Variants in UVRAG observed in about 807,000 individuals in gnomAD.
UVRAG encodes UV radiation resistance associated, also known as UV radiation resistance-associated gene protein.
A neutral mutation model predicts 78.0 loss-of-function variants in UVRAG; 19 were observed. That is an observed-to-expected ratio of 0.24 (90% confidence interval 0.17 to 0.36). The LOEUF is 0.36. Among genes scored for constraint, UVRAG ranks in the 10% least tolerant of loss-of-function variants. UVRAG has a pLI of 1.00. For missense variants in UVRAG, 740 were observed against 853.8 expected (o/e 0.87, Z 1.66); for synonymous variants, 323 against 324.6 (o/e 1.00, Z 0.05).
At chr11:75,912,181 T>G in intron 6 of UVRAG, 142 bp downstream of exon 6, 1 of 628,042 alleles carries the variant, frequency 1.6e-6, no homozygotes, top group Non-Finnish European at 2.8e-6. Flanking sequence ...GTCATAAATT[T>G]TGTAGCTACA....
At chr11:75,967,979 G>C (rs1949057468) in intron 7 of UVRAG, among the ~76,000 whole-genome samples, 2 of 152,178 alleles carry the variant, frequency 1.3e-5, no homozygotes, top group African/African-American at 4.8e-5. Context: ...AAAAGCTTTA[G>C]CTCCAATATG....
intron 12 of UVRAG, among the ~76,000 whole-genome samples, chr11:76,060,961 G>A (rs1372780698): frequency 3.9e-5 from 6 of 152,234 alleles, no homozygotes; most frequent in Non-Finnish European, 5.9e-5. Context: ...CGCATGGCGC[G>A]GGACTGGCAG....
intron 12 of UVRAG, among the ~76,000 whole-genome samples, chr11:76,021,534 A>G (rs983713794): frequency 1.4e-5 from 2 of 146,744 alleles, no homozygotes; most frequent in African/African-American, 5.0e-5. Flanking sequence ...TCTTATCTTT[A>G]TTATCTCCTT....
intron 12 of UVRAG, among the ~76,000 whole-genome samples, chr11:76,029,065 C>T (rs1950386711): frequency 6.6e-6 from 1 of 152,144 alleles, no homozygotes; most frequent in African/African-American, 2.4e-5. Context: ...TGCTCAGTGA[C>T]CATTCTGAAA....
chr11:76,053,697 C>A (rs1412313868), intron 12 of UVRAG, among the ~76,000 whole-genome samples: 2 of 152,110 alleles, frequency 1.3e-5, no homozygotes, highest in Non-Finnish European at 2.9e-5. Flanking sequence ...CCCAGCTGGG[C>A]ACGGTGGCTC....
chr11:75,859,651 G>A (rs908624397), intron 2 of UVRAG, among the ~76,000 whole-genome samples: 1 of 151,860 alleles, frequency 6.6e-6, no homozygotes, highest in Non-Finnish European at 1.5e-5. Flanking sequence ...ACCTATCCAG[G>A]GTCACAAAGA....
At chr11:76,052,956 CTATAGAG>C (rs1232452844) in intron 12 of UVRAG, among the ~76,000 whole-genome samples, 1 of 148,828 alleles carries the variant, frequency 6.7e-6, no homozygotes, top group Non-Finnish European at 1.5e-5. Flanking sequence ...TATCTATATA[CTATAGAG>C]TATATAGGTA....
In UVRAG at chr11:75,827,516, C is replaced by G. The variant is rs572470651; in HGVS notation, c.117+11992C>G. ...ATCCCAGCTACTCAGGAGGCTGAGG[C>G]GGGAGAATTGCTTGAACCCAGGAGG... On this transcript the variant is annotated intron_variant, in intron 1 of 14. Coordinates refer to ENST00000356136, the MANE Select transcript of UVRAG (RefSeq NM_003369.4). Among the ~76,000 whole-genome samples the G allele has an allele frequency of 4.6e-5, 7 of 152,172 alleles. No individual in the cohort carries two copies. In the South Asian group the frequency reaches 6.2e-4, roughly 14 times the overall value.
intron 5 of UVRAG, among the ~76,000 whole-genome samples, chr11:75,891,066 T>A (rs1947203348): frequency 6.6e-6 from 1 of 152,184 alleles, no homozygotes; most frequent in Non-Finnish European, 1.5e-5. Flanking sequence ...AAAATTCAAT[T>A]CAAACTCTGA....
At chr11:75,950,962 G>GCACACACA (rs1565395206) in intron 6 of UVRAG, among the ~76,000 whole-genome samples, 14 of 126,050 alleles carry the variant, frequency 1.1e-4, no homozygotes, top group African/African-American at 5.3e-4. Flanking sequence ...TTTGTCAGGT[G>GCACACACA]TACACACACA....
chr11:76,048,031 C>T (rs1255651145), intron 12 of UVRAG, among the ~76,000 whole-genome samples: 3 of 152,156 alleles, frequency 2.0e-5, no homozygotes, highest in Non-Finnish European at 4.4e-5. Flanking sequence ...AAGCTTGAGA[C>T]ACAAGTTTGT....
intron 6 of UVRAG, among the ~76,000 whole-genome samples, chr11:75,951,604 A>G (rs1948705240): frequency 6.6e-6 from 1 of 151,806 alleles, no homozygotes; most frequent in Non-Finnish European, 1.5e-5. Flanking sequence ...CTGGTCTCGA[A>G]CTCCCAGCCT....
intron 5 of UVRAG, among the ~76,000 whole-genome samples, chr11:75,907,763 T>C (rs1221373983): frequency 6.6e-6 from 1 of 152,018 alleles, no homozygotes; most frequent in Non-Finnish European, 1.5e-5. Context: ...TCCTGGGCTC[T>C]AGTGATCCTC....
At chr11:76,024,863 T>C (rs1336792015) in intron 12 of UVRAG, among the ~76,000 whole-genome samples, 1 of 152,162 alleles carries the variant, frequency 6.6e-6, no homozygotes, top group Non-Finnish European at 1.5e-5. Flanking sequence ...TCCAGGACAT[T>C]AGATGGAATC....
chr11:75,863,038 T>C (rs1187951585), intron 3 of UVRAG, among the ~76,000 whole-genome samples: 1 of 152,224 alleles, frequency 6.6e-6, no homozygotes, highest in East Asian at 1.9e-4. Flanking sequence ...CCAACAACTT[T>C]TGCAGAGTCA....
At position 75,845,982 on chromosome 11, in the gene UVRAG, G is replaced by A. The variant is rs914077986; in HGVS notation, c.118-5901G>A. Among the ~76,000 whole-genome samples the A allele has an allele frequency of 5.9e-5, 9 of 152,004 alleles. No homozygotes were observed. The South Asian group carries it at 6.2e-4, about 10-fold the overall frequency. ...AGTTTGTGTAAATTTTAATTTTTTT[G>A]TGTAAATTTACATTTTAATTACTCC... is the stretch of plus-strand genomic sequence containing the variant. On this transcript the variant is annotated intron_variant, in intron 1 of 14. Transcript: ENST00000356136.
intron 7 of UVRAG, among the ~76,000 whole-genome samples, chr11:75,963,565 G>A (rs1367859055): frequency 1.3e-5 from 2 of 152,084 alleles, no homozygotes; most frequent in South Asian, 2.1e-4. Context: ...ATCCATTTCC[G>A]ATATTTAAGA....
chr11:75,887,451 T>G (rs1947106000), intron 4 of UVRAG, among the ~76,000 whole-genome samples: 3 of 144,844 alleles, frequency 2.1e-5, no homozygotes, highest in Non-Finnish European at 4.6e-5. Context: ...GGCGCAGGTT[T>G]TTTTTTTTTT....
At chr11:75,832,321 C>T (rs1945676527) in intron 1 of UVRAG, among the ~76,000 whole-genome samples, 1 of 152,224 alleles carries the variant, frequency 6.6e-6, no homozygotes, top group Non-Finnish European at 1.5e-5. Context: ...GTCCCGGTCG[C>T]AGGCCTCCTG....
Sources: allele counts gnomAD v4.1 joint callset (sites outside exome capture counted in the v4.1 genomes callset), GRCh38; gene constraint gnomAD v4.1.1; transcripts MANE v1.5; gene names NCBI Gene and HGNC (gene_info 2026-07-23, HGNC 2026-07-21).